PYGB: variants seen among roughly 807,000 people sequenced by gnomAD.
PYGB encodes the protein glycogen phosphorylase, brain form.
Under a neutral mutation model 94.3 loss-of-function variants are expected in PYGB, and 82 were observed. The ratio of observed to expected loss-of-function variants is 0.87; its 90% CI spans 0.73 to 1.04. The LOEUF is 1.04. Ranked by LOEUF, PYGB falls within the 50% of genes least tolerant of loss-of-function variation. The probability of loss-of-function intolerance (pLI) is 0.00; values close to 1 mark genes in which losing one functional copy is unlikely to be tolerated. For missense variants in PYGB, 1,132 were observed against 1,158.2 expected (o/e 0.98, Z 0.33); for synonymous variants, 488 against 479.1 (o/e 1.02, Z -0.24).
At chr20:25,267,653 C>T (rs1360809363) in intron 2 of PYGB, among the ~76,000 whole-genome samples, 1 of 152,164 alleles carries the variant, frequency 6.6e-6, no homozygotes, top group Non-Finnish European at 1.5e-5. Flanking sequence ...GCCTCAGCCT[C>T]CCGAGTAGCT....
At chr20:25,278,500 G>T (rs1445687296) in intron 8 of PYGB, 38 bp downstream of exon 8, 1 of 1,609,942 alleles carries the variant, frequency 6.2e-7, no homozygotes, top group Admixed American at 1.7e-5. Flanking sequence ...AGTGCCAGGG[G>T]CTGGGCGCCT....
chr20:25,255,786 T>C (rs1600720626), intron 1 of PYGB, among the ~76,000 whole-genome samples: 1 of 150,844 alleles, frequency 6.6e-6, no homozygotes, highest in South Asian at 2.1e-4. Flanking sequence ...CAGGCTGGAG[T>C]GCAGTGGCGC....
Position 25,258,325 on chromosome 20 carries a change from A to G in PYGB, c.244-912A>G, listed in dbSNP as rs532202591. Among the ~76,000 whole-genome samples, 5 of 152,322 alleles carry G rather than the reference A, an allele frequency of 3.3e-5. 1 individual carries two copies. Among genetic ancestry groups the G allele is most frequent in the African/African-American group, 9.6e-5 (4 of 41,568 alleles). On this transcript the variant is annotated intron_variant, in intron 1 of 19. Coordinates refer to ENST00000216962, the MANE Select transcript of PYGB (RefSeq NM_002862.4). Reference sequence around the variant, plus strand: ...CTGCCGTTTCCTTTCTGTGCTCCTCAGCAGGGTGTCGCTACATCCACCCCA... The same window carrying G: ...CTGCCGTTTCCTTTCTGTGCTCCTCGGCAGGGTGTCGCTACATCCACCCCA...
rs112103203 is a variant in PYGB at position 25,282,200 on chromosome 20, G to C, written c.1518+53G>C. 6,042 of 1,439,128 alleles carry C rather than the reference G, an allele frequency of 4.2e-3. 203 individuals are homozygous for C. The African/African-American group carries it at 0.073, about 17-fold the overall frequency. The allele number at this position is 1,439,128 out of a possible 1,614,324, so 89.1% of individuals were successfully genotyped here. A position where few individuals can be genotyped will look rare whatever the true frequency, so the allele number is the denominator to read the frequency against. On this transcript the variant is annotated intron_variant, in intron 12 of 19. Transcript: ENST00000216962. ...TGGAGATGCCTGGGCTGAGAACCGC[G>C]GGCCATGTCATCAGCCCCTGCTGAG...
At chr20:25,272,043 A>G (rs2088272604) in intron 4 of PYGB, among the ~76,000 whole-genome samples, 1 of 152,106 alleles carries the variant, frequency 6.6e-6, no homozygotes, top group East Asian at 1.9e-4. Context: ...GCCTCACACT[A>G]CAGCTAAGTG....
chr20:25,282,569 CG>C (rs1267576191), intron 12 of PYGB, among the ~76,000 whole-genome samples: 1 of 152,246 alleles, frequency 6.6e-6, no homozygotes, highest in Non-Finnish European at 1.5e-5. Flanking sequence ...AGGGTGGGAC[CG>C]CCCACCTGGG....
At chr20:25,274,788 T>G in intron 5 of PYGB, 65 bp downstream of exon 5, 2 of 1,566,228 alleles carry the variant, frequency 1.3e-6, no homozygotes, top group Non-Finnish European at 1.7e-6. Context: ...GCGGCTCATT[T>G]GTAGACAGCT....
chr20:25,251,237 AGCTGCAGAGCCTGGGATTGC>A (rs964013245), intron 1 of PYGB: 17 of 152,282 alleles, frequency 1.1e-4, no homozygotes, highest in Non-Finnish European at 5.9e-5. Flanking sequence ...TCCAACCTGA[AGCTGCAGAGCCTGGGATTGC>A]GCTGCATGGA....
intron 3 of PYGB, among the ~76,000 whole-genome samples, chr20:25,271,084 CTG>C (rs2088262232): frequency 1.3e-5 from 2 of 150,994 alleles, no homozygotes; most frequent in Non-Finnish European, 2.9e-5. Flanking sequence ...ACTGGGATGT[CTG>C]AGAGTGGGGC....
At chr20:25,281,960 G>C in intron 11 of PYGB, 73 bp from the exon 12 acceptor site, 1 of 1,297,090 alleles carries the variant, frequency 7.7e-7, no homozygotes, top group Non-Finnish European at 1.1e-6. Context: ...TCCTTAAAAG[G>C]ACTTTAAGGT....
rs752624855 is a variant in PYGB at position 25,259,275 on chromosome 20, C to T, written c.282C>T (p.Arg94=). Residue 94 remains arginine (R), a synonymous_variant, in exon 2 of 20, where the codon CGC becomes CGT. Transcript: ENST00000216962. ...YYLSLEFYMG[R]TLQNTMVNLG... is the part of the protein sequence containing the mutation. ...TTTCCCTGGAATTCTACATGGGTCG[C>T]ACGCTGCAGAACACGATGGTGAACC... The T allele has an allele frequency of 1.9e-6, 3 of 1,611,660 alleles. No individual in the cohort carries two copies. Among genetic ancestry groups the T allele is most frequent in the Admixed American group, 1.7e-5 (1 of 60,006 alleles).
chr20:25,294,191 C>T lies in PYGB; in HGVS notation c.2211C>T (p.Pro737=), dbSNP rs980034642. ...CCAGGGAGTACTACGACCACCTGCC[C>T]GAGCTGAAGCAGGCCGTGGACCAGA... ...YNAREYYDHL[P]ELKQAVDQIS... is the part of the protein sequence containing the mutation. The change falls in exon 18 of 20, where the codon CCC becomes CCT. Residue 737 remains proline, a synonymous_variant. Coordinates refer to ENST00000216962, the MANE Select transcript of PYGB (RefSeq NM_002862.4). 8.7e-6 allele frequency: 14 copies of T among 1,613,808 alleles called. No individual in the cohort carries two copies. Among genetic ancestry groups the T allele is most frequent in the Middle Eastern group, 1.6e-4 (1 of 6,084 alleles).
At chr20:25,248,449 C>G in intron 1 of PYGB, 28 bp downstream of exon 1, 2 of 1,356,410 alleles carry the variant, frequency 1.5e-6, no homozygotes, top group Non-Finnish European at 1.9e-6. Context: ...CCTGTGCGCC[C>G]GTGCCCGCTG....
chr20:25,265,923 T>C (rs916224055), intron 2 of PYGB, among the ~76,000 whole-genome samples: 29 of 152,304 alleles, frequency 1.9e-4, no homozygotes, highest in African/African-American at 7.0e-4. Flanking sequence ...TTAAGAATTC[T>C]CTATTTGTCC....
rs753105303 is a variant in PYGB at position 25,269,161 on chromosome 20, A to C, written c.378A>C (p.Ile126=). 6.2e-7 allele frequency: 1 copy of C among 1,600,522 alleles called. No homozygotes were observed. Among genetic ancestry groups the C allele is most frequent in the Non-Finnish European group, 8.6e-7 (1 of 1,167,614 alleles). ...TAGACTTGGAGGAACTCGAGGAGAT[A>C]GAAGAAGATGCTGGCCTTGGGAATG... ...LGLDLEELEE[I]EEDAGLGNGG... Residue 126 remains isoleucine, a synonymous_variant, in exon 3 of 20, where the codon ATA becomes ATC. Transcript: ENST00000216962.
chr20:25,287,054 G>A (rs1240999321), intron 14 of PYGB, among the ~76,000 whole-genome samples: 12 of 152,206 alleles, frequency 7.9e-5, no homozygotes, highest in African/African-American at 2.2e-4. Context: ...GGCCCGGCTC[G>A]CTGGTGAACG....
chr20:25,254,320 C>G (rs752578651), intron 1 of PYGB, among the ~76,000 whole-genome samples: 22 of 152,032 alleles, frequency 1.4e-4, no homozygotes, highest in Non-Finnish European at 2.2e-4. Flanking sequence ...ATTGGGAGAA[C>G]TTTAGAAGTC....
At chr20:25,284,559 C>T (rs1334919593) in intron 14 of PYGB, among the ~76,000 whole-genome samples, 1 of 152,196 alleles carries the variant, frequency 6.6e-6, no homozygotes, top group Non-Finnish European at 1.5e-5. Context: ...CTCAGTCCCC[C>T]AAGTAGCTGG....
intron 19 of PYGB, 44 bp from the exon 20 acceptor site, chr20:25,296,326 A>G (rs760297764): frequency 5.0e-6 from 8 of 1,610,080 alleles, no homozygotes; most frequent in South Asian, 4.4e-5. Context: ...TAGCAGCCCC[A>G]AGCCCTGTGA....
Sources: allele counts gnomAD v4.1 joint callset (sites outside exome capture counted in the v4.1 genomes callset), GRCh38; gene constraint gnomAD v4.1.1; transcripts MANE v1.5; gene names NCBI Gene and HGNC (gene_info 2026-07-23, HGNC 2026-07-21).